ALG8: variants seen among roughly 807,000 people sequenced by gnomAD.
The protein encoded by ALG8 is ALG8 alpha-1,3-glucosyltransferase.
In ALG8, 48 loss-of-function variants were observed where a neutral mutation model predicts 70.2. The ratio of observed to expected loss-of-function variants is 0.68; its 90% confidence interval spans 0.54 to 0.87. The LOEUF (loss-of-function observed/expected upper bound fraction) is 0.87, where lower values mean the gene tolerates loss of function less well. Ranked by LOEUF, ALG8 falls within the 40% of genes least tolerant of loss-of-function variation. The probability of loss-of-function intolerance (pLI) is 0.00; values close to 1 mark genes in which losing one functional copy is unlikely to be tolerated. For missense variants in ALG8, 572 were observed against 608.7 expected (o/e 0.94, Z 0.64); for synonymous variants, 234 against 229.0 (o/e 1.02, Z -0.20).
In ALG8 at chr11:78,104,030, G is replaced by A; in HGVS notation, c.1299C>T (p.Leu433=). ...TAPELPIKIL[L]MLLFTIYSIS... Reference sequence around the variant, plus strand: ...TACTATATATGGTGAATAGTAACATGAGTAAGATTTTAATGGGAAGTTCTG... The same window carrying A: ...TACTATATATGGTGAATAGTAACATAAGTAAGATTTTAATGGGAAGTTCTG... The change falls in exon 12 of 13, where the codon CTC becomes CTT. Residue 433 remains leucine (L), a synonymous_variant. Transcript: ENST00000299626. 1 of 1,510,624 alleles carries A rather than the reference G, an allele frequency of 6.6e-7. No individual in the cohort carries two copies. Among genetic ancestry groups the A allele is most frequent in the Non-Finnish European group, 9.2e-7 (1 of 1,090,016 alleles). 93.6% of individuals were successfully genotyped at this position (1,510,624 alleles called of 1,614,324 possible).
rs12291680 is a variant in ALG8 at position 78,125,881 on chromosome 11, C to T, written c.174+1477G>A. On this transcript the variant is annotated intron_variant, in intron 2 of 12. Transcript: ENST00000299626. ...GCTTTTCATCAAGAAATTTCTGGGC[C>T]GGGCGCAGTGGCTCACGCCTGTAAT... 8.7e-3 allele frequency among the ~76,000 whole-genome samples: 1,318 copies of T among 152,158 alleles called. 13 individuals carry two copies. The highest frequency in any genetic ancestry group is 0.013 in the Non-Finnish European group (904 of 68,004).
intron 9 of ALG8, among the ~76,000 whole-genome samples, chr11:78,108,837 G>A (rs951563719): frequency 5.3e-5 from 8 of 152,156 alleles, no homozygotes; most frequent in African/African-American, 1.7e-4. Flanking sequence ...TGTAATTATC[G>A]ATAGGATTGA....
intron 1 of ALG8, among the ~76,000 whole-genome samples, chr11:78,132,400 C>T (rs1208366397): frequency 6.6e-6 from 1 of 152,212 alleles, no homozygotes; most frequent in Non-Finnish European, 1.5e-5. Flanking sequence ...GACTCTCCTT[C>T]TGCCTCCTCC....
chr11:78,138,713 A>G (rs1861660515), intron 1 of ALG8: 1 of 456,238 alleles, frequency 2.2e-6, no homozygotes, highest in Admixed American at 2.3e-5. Context: ...TACCTACTGT[A>G]TACACACCAC....
intron 3 of ALG8, among the ~76,000 whole-genome samples, chr11:78,122,342 A>AT (rs375214398): frequency 0.051 from 7,143 of 138,914 alleles, 495 homozygotes; most frequent in African/African-American, 0.15. Context: ...AGAGATTTCA[A>AT]TTTTTTTTTT....
intron 9 of ALG8, among the ~76,000 whole-genome samples, chr11:78,109,089 C>T (rs113939581): frequency 1.3e-5 from 2 of 152,134 alleles, no homozygotes; most frequent in Admixed American, 6.5e-5. Flanking sequence ...ATTTAGCTAA[C>T]GGTGAGAAAA....
intron 12 of ALG8, 61 bp from the exon 13 acceptor site, chr11:78,101,256 T>C: frequency 7.2e-7 from 1 of 1,396,488 alleles, no homozygotes; most frequent in Non-Finnish European, 1.0e-6. Context: ...TAGCAAACAT[T>C]TCCTAGCTAA....
intron 1 of ALG8, among the ~76,000 whole-genome samples, chr11:78,130,546 A>G (rs1861267653): frequency 6.6e-6 from 1 of 152,066 alleles, no homozygotes; most frequent in African/African-American, 2.4e-5. Context: ...TGGATTTTGT[A>G]TGGAATTCTA....
At chr11:78,133,835 A>G (rs3133239) in intron 1 of ALG8, among the ~76,000 whole-genome samples, 32,917 of 151,328 alleles carry the variant, frequency 0.22, 4,435 homozygotes, top group African/African-American at 0.38. Context: ...CCGGAAGGTG[A>G]GCTTGCAGTG....
intron 5 of ALG8, 150 bp from the exon 6 acceptor site, chr11:78,114,542 T>C (rs1378347695): frequency 1.0e-6 from 1 of 958,042 alleles, no homozygotes; most frequent in Non-Finnish European, 1.6e-6. Flanking sequence ...TTTCTTAGTC[T>C]TGATGAATGT....
chr11:78,117,140 G>T (rs1016291881), intron 5 of ALG8, among the ~76,000 whole-genome samples: 1 of 152,132 alleles, frequency 6.6e-6, no homozygotes, highest in Non-Finnish European at 1.5e-5. Flanking sequence ...TCCCTGTGAG[G>T]TAAGTAGCCC....
chr11:78,136,556 T>G (rs1207398196), intron 1 of ALG8, among the ~76,000 whole-genome samples: 3 of 152,132 alleles, frequency 2.0e-5, no homozygotes, highest in African/African-American at 7.2e-5. Context: ...AAAATGTTTC[T>G]GAGCAGTAGG....
intron 5 of ALG8, among the ~76,000 whole-genome samples, chr11:78,115,347 C>T (rs1032643850): frequency 2.0e-5 from 3 of 151,350 alleles, no homozygotes; most frequent in Non-Finnish European, 2.9e-5. Context: ...GGTAAATATT[C>T]TATAACCAGT....
intron 5 of ALG8, among the ~76,000 whole-genome samples, chr11:78,116,676 C>T (rs1860587479): frequency 2.0e-5 from 3 of 152,002 alleles, no homozygotes. Context: ...TGTGACTCCA[C>T]CACTGCATTC....
intron 3 of ALG8, among the ~76,000 whole-genome samples, chr11:78,123,315 GAAA>G (rs1220218900): frequency 9.0e-5 from 8 of 88,558 alleles, no homozygotes; most frequent in Admixed American, 1.5e-4. Context: ...GGAAAAAAAA[GAAA>G]AAAAAAAAAA....
At chr11:78,132,839 T>TG (rs1861363536) in intron 1 of ALG8, among the ~76,000 whole-genome samples, 1 of 149,610 alleles carries the variant, frequency 6.7e-6, no homozygotes, top group African/African-American at 2.5e-5. Flanking sequence ...TTCCATTTTT[T>TG]TTTTTTTTTT....
At position 78,104,544 on chromosome 11, in the gene ALG8, G is replaced by T. The variant is rs555472372; in HGVS notation, c.1179-91C>A. On this transcript the variant is annotated intron_variant, in intron 10 of 12. Coordinates refer to ENST00000299626, the MANE Select transcript of ALG8 (RefSeq NM_024079.5). ...TGCATCTCCTATTACATTAGAACTG[G>T]CTGAGGCATAGAAGAACATGCTGAT... 34 of 1,176,568 alleles carry T rather than the reference G, an allele frequency of 2.9e-5. 1 individual carries two copies. In the South Asian group the frequency reaches 4.2e-4, roughly 15 times the overall value. The allele number at this position is 1,176,568 out of a possible 1,614,324, so 72.9% of individuals were successfully genotyped here.
intron 1 of ALG8, among the ~76,000 whole-genome samples, chr11:78,128,346 A>C (rs946255627): frequency 6.6e-6 from 1 of 152,200 alleles, no homozygotes; most frequent in Non-Finnish European, 1.5e-5. Context: ...TCCACTCACC[A>C]AAGTGAACAA....
Position 78,114,337 on chromosome 11 carries a change from ATAT to A in ALG8, c.599_601del (p.His200_Ile201delinsLeu), listed in dbSNP as rs1860459850. On this transcript the variant is annotated inframe_deletion, in exon 6 of 13. Coordinates refer to ENST00000299626, the MANE Select transcript of ALG8 (RefSeq NM_024079.5). ...ATAAGCTGGTGCTACATAGAGGTAGATATGCTTGAAATGTAGGAGAACAGCAAA... is the reference window on the plus strand; with the variant it reads ...ATAAGCTGGTGCTACATAGAGGTAGAGCTTGAAATGTAGGAGAACAGCAAA... 1 of 1,614,122 alleles carries A rather than the reference ATAT, an allele frequency of 6.2e-7. No individual in the cohort carries two copies. The highest frequency in any genetic ancestry group is 1.3e-5 in the African/African-American group (1 of 75,066).
Sources: gnomAD v4.1 joint callset for allele counts (sites outside exome capture counted in the v4.1 genomes callset) on GRCh38, gnomAD v4.1.1 for gene constraint, MANE v1.5 for transcripts, NCBI Gene and HGNC (gene_info 2026-07-23, HGNC 2026-07-21) for gene names.